TJP1: variants seen among roughly 807,000 people sequenced by gnomAD.
The protein encoded by TJP1 is tight junction protein ZO-1.
In TJP1, 43 loss-of-function variants were observed where a neutral mutation model predicts 194.2. The observed-to-expected ratio is 0.22, with a 90% confidence interval of 0.17 to 0.29. The LOEUF (loss-of-function observed/expected upper bound fraction) is 0.29, where lower values mean the gene tolerates loss of function less well. Ranked by LOEUF, TJP1 falls within the 10% of genes least tolerant of loss-of-function variation. The pLI is 1.00. For synonymous variants in TJP1, 801 were observed against 779.0 expected, an observed-to-expected ratio of 1.03 and a Z score of -0.47; for missense variants, 1,971 against 2,185.7, an observed-to-expected ratio of 0.90 and a Z score of 1.96.
upstream of TJP1, among the ~76,000 whole-genome samples, chr15:29,826,732 A>G (rs2050688170): frequency 1.3e-5 from 2 of 152,092 alleles, no homozygotes; most frequent in South Asian, 4.1e-4. Flanking sequence ...CCCATCTTAA[A>G]CACAGTCAGG....
chr15:29,735,505 T>C (rs1256496539), intron 11 of TJP1, among the ~76,000 whole-genome samples: 2 of 150,972 alleles, frequency 1.3e-5, no homozygotes, highest in African/African-American at 4.9e-5. Flanking sequence ...GAAGAATGTT[T>C]GAGCCTAGGT....
At chr15:29,853,188 C>T (rs2051711982) in intron 2 of TJP1, among the ~76,000 whole-genome samples, 1 of 152,128 alleles carries the variant, frequency 6.6e-6, no homozygotes, top group Admixed American at 6.5e-5. Flanking sequence ...ATTTATAGAA[C>T]ATTTTAAAGT....
At chr15:29,920,082 A>G (rs368202519) in intron 2 of TJP1, among the ~76,000 whole-genome samples, 201 of 152,290 alleles carry the variant, frequency 1.3e-3, no homozygotes, top group African/African-American at 4.6e-3. Context: ...AACAGGTACC[A>G]CCATCATGCA....
intron 18 of TJP1, among the ~76,000 whole-genome samples, chr15:29,720,959 G>A (rs970596580): frequency 6.6e-6 from 1 of 152,046 alleles, no homozygotes; most frequent in Admixed American, 6.6e-5. Context: ...TAGACTCCAG[G>A]GCCCAGCCCT....
In TJP1 at chr15:29,727,916, G is replaced by A. The variant is rs771835644; in HGVS notation, c.2100+21C>T. On this transcript the variant is annotated intron_variant, in intron 16 of 27. Coordinates refer to ENST00000614355, the MANE Select transcript of TJP1 (RefSeq NM_001330239.4). ...AAAACCACAATAACATAATGAAATG[G>A]GTCAAGTTTTAATAACTTACTTGAT... The A allele has an allele frequency of 2.5e-6, 4 of 1,603,296 alleles. No homozygotes were observed. In the Admixed American group the frequency reaches 6.7e-5, roughly 27 times the overall value.
intron 2 of TJP1, among the ~76,000 whole-genome samples, chr15:29,915,822 G>A (rs550977971): frequency 7.4e-4 from 113 of 152,252 alleles, no homozygotes; most frequent in Non-Finnish European, 1.1e-3. Context: ...TTTGGTATAT[G>A]GCAATGTAAG....
intron 2 of TJP1, among the ~76,000 whole-genome samples, chr15:29,947,196 T>G (rs2055315731): frequency 6.6e-6 from 1 of 152,188 alleles, no homozygotes; most frequent in Non-Finnish European, 1.5e-5. Flanking sequence ...AAATTAAAAC[T>G]AAGCACCTAG....
At chr15:29,727,018 A>G in intron 16 of TJP1, 27 bp from the exon 17 acceptor site, 1 of 1,594,522 alleles carries the variant, frequency 6.3e-7, no homozygotes, top group Admixed American at 1.7e-5. Context: ...AAATATATAC[A>G]AAGACACAAG....
rs2042210199 is a variant in TJP1 at position 29,710,994 on chromosome 15, C to T, written c.4209G>A (p.Lys1403=). ...TATCCACACCATCAGCTTCAGGAGGCTTTCCCCTGTTAACAAATGAAGAAA... is the reference window on the plus strand; with the variant it reads ...TATCCACACCATCAGCTTCAGGAGGTTTTCCCCTGTTAACAAATGAAGAAA... The part of the protein sequence containing the change: ...SNFSSYSSKG[K]PPEADGVDRS... Residue 1403 remains lysine, a synonymous_variant, in exon 24 of 28, where the codon AAG becomes AAA. Transcript: ENST00000614355. The T allele has an allele frequency of 1.3e-6, 2 of 1,589,900 alleles. No individual in the cohort carries two copies. Among genetic ancestry groups the T allele is most frequent in the African/African-American group, 1.3e-5 (1 of 74,268 alleles).
chr15:29,954,012 G>A (rs2055851661), intron 2 of TJP1, among the ~76,000 whole-genome samples: 1 of 152,112 alleles, frequency 6.6e-6, no homozygotes, highest in South Asian at 2.1e-4. Context: ...ATGTTAAAAT[G>A]CCTCCCTTCA....
chr15:29,861,656 A>G (rs2052086560), intron 2 of TJP1, among the ~76,000 whole-genome samples: 2 of 152,100 alleles, frequency 1.3e-5, no homozygotes, highest in Non-Finnish European at 2.9e-5. Context: ...TTGTTGATTC[A>G]TAAGAGTTAT....
intron 2 of TJP1, among the ~76,000 whole-genome samples, chr15:29,908,876 C>T (rs8039555): frequency 0.012 from 1,817 of 152,176 alleles, 38 homozygotes; most frequent in African/African-American, 0.041. Flanking sequence ...AAAATTAGGC[C>T]GGGCGCGGTG....
Position 29,705,660 on chromosome 15 carries a change from C to T in TJP1, c.4936G>A (p.Val1646Met), listed in dbSNP as rs775526130. 3.5e-5 allele frequency: 57 copies of T among 1,614,056 alleles called. No homozygotes were observed. The highest frequency in any genetic ancestry group is 1.8e-4 in the South Asian group (16 of 91,084). ...ARGIFNSNGG[V>M]LSSIETGVSI... ...ACACCAGTTTCTATGGAACTCAGCA[C>T]GCCCCCATTGCTGTTAAATATGCCT... Residue 1646 changes from valine to methionine, a missense_variant, in exon 26 of 28, where the codon GTG (valine) becomes ATG (methionine). This residue lies in a region of TJP1 where 1,108 missense variants were observed against 1,128.5 expected (regional missense o/e 0.98). Coordinates refer to ENST00000614355, the MANE Select transcript of TJP1 (RefSeq NM_001330239.4).
At chr15:29,935,407 C>A (rs979266600) in intron 2 of TJP1, among the ~76,000 whole-genome samples, 2 of 152,202 alleles carry the variant, frequency 1.3e-5, no homozygotes, top group African/African-American at 4.8e-5. Context: ...AAAATTCTTA[C>A]ACCTCCCTTG....
intron 2 of TJP1, among the ~76,000 whole-genome samples, chr15:29,863,150 G>A (rs1417947185): frequency 6.6e-6 from 1 of 151,832 alleles, no homozygotes; most frequent in Non-Finnish European, 1.5e-5. Flanking sequence ...ACAAAAATTA[G>A]CTGGGTGTGG....
At chr15:29,719,691 A>C (rs1291550420) in intron 20 of TJP1, 86 bp downstream of exon 20, 2 of 1,522,862 alleles carry the variant, frequency 1.3e-6, no homozygotes, top group Non-Finnish European at 1.8e-6. Context: ...AAAAAGCAAA[A>C]GGAACACTTA....
At chr15:29,941,574 C>T (rs760624902) in intron 2 of TJP1, among the ~76,000 whole-genome samples, 3 of 152,154 alleles carry the variant, frequency 2.0e-5, no homozygotes, top group South Asian at 2.1e-4. Flanking sequence ...TCCGGTCCCC[C>T]CTCTGCCCCC....
At chr15:29,940,453 G>T (rs1299882178) in intron 2 of TJP1, among the ~76,000 whole-genome samples, 1 of 152,148 alleles carries the variant, frequency 6.6e-6, no homozygotes, top group Non-Finnish European at 1.5e-5. Flanking sequence ...TCATTCTAAT[G>T]CTCAGCAGTC....
chr15:29,950,012 ACCACCT>A (rs2055620245), intron 2 of TJP1, among the ~76,000 whole-genome samples: 2 of 75,370 alleles, frequency 2.7e-5, no homozygotes, highest in Admixed American at 1.5e-4. Context: ...CTCCACAACC[ACCACCT>A]CCACCTCCAC....
Sources: allele counts gnomAD v4.1 joint callset (sites outside exome capture counted in the v4.1 genomes callset), GRCh38; gene constraint gnomAD v4.1.1; regional missense constraint gnomAD v4.1.1; transcripts MANE v1.5; gene names NCBI Gene and HGNC (gene_info 2026-07-23, HGNC 2026-07-21).